ERBB4: variants seen among roughly 807,000 people sequenced by gnomAD.
The protein encoded by ERBB4 is erb-b2 receptor tyrosine kinase 4.
A neutral mutation model predicts 158.0 loss-of-function variants in ERBB4; 42 were observed. The observed-to-expected ratio is 0.27, with a 90% CI of 0.21 to 0.34. The LOEUF (loss-of-function observed/expected upper bound fraction) is 0.34, where lower values mean the gene tolerates loss of function less well. ERBB4 is among the 10% of genes least tolerant of loss of function. The pLI is 1.00. For missense variants in ERBB4, 1,333 were observed against 1,624.1 expected (o/e 0.82, Z 3.08); for synonymous variants, 583 against 558.7 (o/e 1.04, Z -0.61).
intron 1 of ERBB4, among the ~76,000 whole-genome samples, chr2:212,433,729 TATC>T (rs1207955258): frequency 2.0e-5 from 3 of 152,036 alleles, no homozygotes; most frequent in African/African-American, 4.8e-5. Flanking sequence ...CATTAGAAAA[TATC>T]ATCTATCTTA....
chr2:212,186,414 T>A (rs994655294), intron 1 of ERBB4, among the ~76,000 whole-genome samples: 32 of 152,336 alleles, frequency 2.1e-4, no homozygotes, highest in African/African-American at 7.5e-4. Context: ...TAACTGAAAA[T>A]GTGTTCATTA....
intron 2 of ERBB4, among the ~76,000 whole-genome samples, chr2:211,989,979 A>T (rs1472613436): frequency 6.6e-6 from 1 of 151,956 alleles, no homozygotes; most frequent in African/African-American, 2.4e-5. Context: ...AATTACCAAC[A>T]TCAATAACAG....
intron 1 of ERBB4, among the ~76,000 whole-genome samples, chr2:212,210,245 A>G (rs1208040408): frequency 6.6e-6 from 1 of 151,194 alleles, no homozygotes; most frequent in Non-Finnish European, 1.5e-5. Context: ...TTTAGAATTT[A>G]CCTTGTAAGT....
Position 211,382,892 on chromosome 2 carries a change from A to G in ERBB4, c.*723T>C, listed in dbSNP as rs1245340884. The G allele has an allele frequency of 1.3e-5, 3 of 232,764 alleles. No homozygotes were observed. Among genetic ancestry groups the G allele is most frequent in the African/African-American group, 2.2e-5 (1 of 45,458 alleles). The allele number at this position is 232,764 out of a possible 1,614,324, so 14.4% of individuals were successfully genotyped here. A position where few individuals can be genotyped will look rare whatever the true frequency, so the allele number is the denominator to read the frequency against. Reference sequence around the variant, plus strand: ...TCTGTGAAGAAGCTTTGATGTAAACATCTTTGCAATTAGAAATTAAAGCCA... The same window carrying G: ...TCTGTGAAGAAGCTTTGATGTAAACGTCTTTGCAATTAGAAATTAAAGCCA... On this transcript the variant is annotated 3_prime_UTR_variant, in exon 28 of 28. Transcript: ENST00000342788.
At chr2:211,953,877 A>C (rs1022177431) in intron 2 of ERBB4, among the ~76,000 whole-genome samples, 3 of 152,068 alleles carry the variant, frequency 2.0e-5, no homozygotes, top group Non-Finnish European at 4.4e-5. Flanking sequence ...ATTTTTTAAA[A>C]ATGACAACAA....
intron 1 of ERBB4, among the ~76,000 whole-genome samples, chr2:212,196,194 C>T (rs551384342): frequency 1.8e-4 from 27 of 151,998 alleles, no homozygotes; most frequent in African/African-American, 6.0e-4. Flanking sequence ...GATTAAAAAA[C>T]GATTTTGTAT....
intron 23 of ERBB4, among the ~76,000 whole-genome samples, chr2:211,422,488 C>CAAAA (rs57602784): frequency 9.8e-6 from 1 of 102,434 alleles, no homozygotes; most frequent in Non-Finnish European, 2.2e-5. Flanking sequence ...TCCTGGTGGA[C>CAAAA]AAAAAAAAAA....
chr2:211,649,753 T>C (rs567236627), intron 16 of ERBB4, among the ~76,000 whole-genome samples: 34 of 152,084 alleles, frequency 2.2e-4, no homozygotes, highest in African/African-American at 7.9e-4. Flanking sequence ...CTTACATGGC[T>C]ACAAGCATTC....
chr2:211,808,398 G>C (rs2076669299), intron 3 of ERBB4, among the ~76,000 whole-genome samples: 1 of 151,992 alleles, frequency 6.6e-6, no homozygotes, highest in South Asian at 2.1e-4. Flanking sequence ...TTTCCCCATT[G>C]CTTTTTTTTT....
intron 1 of ERBB4, among the ~76,000 whole-genome samples, chr2:212,262,151 T>C (rs1397795321): frequency 6.6e-6 from 1 of 152,170 alleles, no homozygotes; most frequent in Non-Finnish European, 1.5e-5. Flanking sequence ...AAAATCATTT[T>C]CTATAGGGAG....
intron 1 of ERBB4, among the ~76,000 whole-genome samples, chr2:212,255,997 A>ATTTT (rs746469311): frequency 4.0e-5 from 4 of 99,112 alleles, no homozygotes; most frequent in Admixed American, 1.1e-4. Context: ...AGTTTTATTT[A>ATTTT]TTTATTTTTT....
intron 1 of ERBB4, among the ~76,000 whole-genome samples, chr2:212,192,109 T>C (rs1403961689): frequency 1.0e-5 from 1 of 99,456 alleles, no homozygotes; most frequent in Non-Finnish European, 2.0e-5. Context: ...TTATATATTA[T>C]ATATTATATA....
At chr2:211,833,310 C>A (rs2077266621) in intron 3 of ERBB4, among the ~76,000 whole-genome samples, 1 of 152,128 alleles carries the variant, frequency 6.6e-6, no homozygotes, top group South Asian at 2.1e-4. Flanking sequence ...CTAAGGACGT[C>A]TTAGTTTTCA....
chr2:211,441,629 T>C (rs930955159), intron 20 of ERBB4, among the ~76,000 whole-genome samples: 1 of 152,158 alleles, frequency 6.6e-6, no homozygotes, highest in Non-Finnish European at 1.5e-5. Flanking sequence ...GTGGAAATGC[T>C]GATATCTTTT....
rs574850377 is a variant in ERBB4, at chr2:211,381,110, T to TTC, written c.*2504_*2505insGA. 4.7e-4 allele frequency: 109 copies of TTC among 232,510 alleles called. No individual in the cohort carries two copies. The highest frequency in any genetic ancestry group is 2.3e-3 in the African/African-American group (105 of 45,432). The allele number at this position is 232,510 out of a possible 1,614,324, so 14.4% of individuals were successfully genotyped here. A position where few individuals can be genotyped will look rare whatever the true frequency, so the allele number is the denominator to read the frequency against. On this transcript the variant is annotated 3_prime_UTR_variant, in exon 28 of 28. Transcript: ENST00000342788. ...GATAGGAGAGCCCTGAGCTATTAGA[T>TTC]TGTGGCCCCTGAATCACTCTGTGTC...
At chr2:212,255,226 C>G (rs1246108179) in intron 1 of ERBB4, among the ~76,000 whole-genome samples, 1 of 152,150 alleles carries the variant, frequency 6.6e-6, no homozygotes, top group Non-Finnish European at 1.5e-5. Flanking sequence ...ACCACAATGA[C>G]TATGCACTAT....
At chr2:211,717,189 G>A (rs2073946614) in intron 7 of ERBB4, among the ~76,000 whole-genome samples, 1 of 152,156 alleles carries the variant, frequency 6.6e-6, no homozygotes, top group Non-Finnish European at 1.5e-5. Flanking sequence ...AGTAGATTAG[G>A]TAGTAGTATA....
chr2:211,503,694 G>C (rs1195363748), intron 20 of ERBB4, among the ~76,000 whole-genome samples: 1 of 152,142 alleles, frequency 6.6e-6, no homozygotes, highest in African/African-American at 2.4e-5. Flanking sequence ...AGATCCACTT[G>C]CTGGCAGGTA....
intron 1 of ERBB4, among the ~76,000 whole-genome samples, chr2:212,404,907 G>C (rs1247317253): frequency 3.3e-5 from 5 of 152,104 alleles, no homozygotes; most frequent in Middle Eastern, 3.4e-3. Context: ...GTGGTATTTG[G>C]CTTTCTGTTC....
Sources: allele counts gnomAD v4.1 joint callset (sites outside exome capture counted in the v4.1 genomes callset), GRCh38; gene constraint gnomAD v4.1.1; transcripts MANE v1.5; gene names NCBI Gene and HGNC (gene_info 2026-07-23, HGNC 2026-07-21).